CERS6: variants seen among roughly 807,000 people sequenced by gnomAD.
The protein encoded by CERS6 is ceramide synthase 6.
In CERS6, 26 loss-of-function variants were observed where a neutral mutation model predicts 56.8. The observed-to-expected ratio is 0.46, with a 90% CI of 0.34 to 0.63. The LOEUF is 0.63. Among genes scored for constraint, CERS6 ranks in the 30% least tolerant of loss-of-function variants. CERS6 has a pLI of 0.01. For synonymous variants in CERS6, 164 were observed against 173.3 expected, an observed-to-expected ratio of 0.95 and a Z score of 0.42; for missense variants, 415 against 467.5, an observed-to-expected ratio of 0.89 and a Z score of 1.04.
intron 4 of CERS6, among the ~76,000 whole-genome samples, chr2:168,662,054 C>T (rs1685643376): frequency 6.6e-6 from 1 of 150,904 alleles, no homozygotes; most frequent in African/African-American, 2.4e-5. Flanking sequence ...CAGACTATTA[C>T]AATACTGAGT....
At chr2:168,484,948 T>C (rs918930724) in intron 1 of CERS6, among the ~76,000 whole-genome samples, 1 of 152,046 alleles carries the variant, frequency 6.6e-6, no homozygotes, top group African/African-American at 2.4e-5. Flanking sequence ...TTTATGAAAA[T>C]AAACAAATGA....
chr2:168,493,388 C>T (rs568328914), intron 1 of CERS6, among the ~76,000 whole-genome samples: 29 of 152,222 alleles, frequency 1.9e-4, no homozygotes, highest in Non-Finnish European at 3.1e-4. Context: ...AACTCCTCAG[C>T]TACCAAGGTA....
At chr2:168,520,856 G>A (rs1195684775) in intron 1 of CERS6, among the ~76,000 whole-genome samples, 1 of 151,682 alleles carries the variant, frequency 6.6e-6, no homozygotes, top group Admixed American at 6.6e-5. Flanking sequence ...GTGATCTGCC[G>A]CCTCAGCCTC....
chr2:168,717,789 T>G (rs906819246), intron 7 of CERS6, 83 bp from the exon 8 acceptor site: 1 of 948,492 alleles, frequency 1.1e-6, no homozygotes, highest in Non-Finnish European at 1.6e-6. Flanking sequence ...AAGGTATATC[T>G]TATAGGAGAT....
At chr2:168,733,254 G>A (rs955173697) in intron 8 of CERS6, among the ~76,000 whole-genome samples, 5 of 152,138 alleles carry the variant, frequency 3.3e-5, no homozygotes, top group Admixed American at 2.0e-4. Context: ...CACTTTTTGT[G>A]CTTGTAGAGT....
chr2:168,757,374 AC>A (rs369150657), intron 8 of CERS6, among the ~76,000 whole-genome samples: 3,764 of 151,622 alleles, frequency 0.025, 167 homozygotes, highest in African/African-American at 0.086. Flanking sequence ...AAAAAAAAAA[AC>A]ATCTGCCCCA....
chr2:168,728,211 T>G (rs1574197210), intron 8 of CERS6, among the ~76,000 whole-genome samples: 1 of 152,170 alleles, frequency 6.6e-6, no homozygotes, highest in Non-Finnish European at 1.5e-5. Flanking sequence ...CCTAAAGTAT[T>G]TGCTCTCTGG....
intron 4 of CERS6, among the ~76,000 whole-genome samples, chr2:168,642,361 A>AC: frequency 6.6e-6 from 1 of 152,260 alleles, no homozygotes; most frequent in East Asian, 1.9e-4. Context: ...AAAAAGATCT[A>AC]CCCTCAGAAT....
intron 1 of CERS6, among the ~76,000 whole-genome samples, chr2:168,507,730 A>G (rs1158035978): frequency 2.6e-5 from 4 of 152,170 alleles, no homozygotes; most frequent in African/African-American, 4.8e-5. Flanking sequence ...ACCTGAATCA[A>G]CTACCCTAAG....
chr2:168,672,846 T>G (rs762371714), intron 4 of CERS6, among the ~76,000 whole-genome samples: 1 of 152,194 alleles, frequency 6.6e-6, no homozygotes, highest in Non-Finnish European at 1.5e-5. Flanking sequence ...TTTTGGAAGA[T>G]GAGAAGCTGG....
intron 1 of CERS6, among the ~76,000 whole-genome samples, chr2:168,499,739 C>T (rs1467710159): frequency 3.3e-5 from 5 of 152,238 alleles, no homozygotes; most frequent in Non-Finnish European, 5.9e-5. Flanking sequence ...TGCTGCAATA[C>T]GTTTTGTGGT....
intron 1 of CERS6, among the ~76,000 whole-genome samples, chr2:168,488,717 A>AT (rs1015786928): frequency 4.4e-4 from 66 of 151,474 alleles, no homozygotes; most frequent in African/African-American, 1.4e-3. Flanking sequence ...CTTTAAAAAA[A>AT]TTTTTTTTTG....
At chr2:168,514,316 C>T (rs893079674) in intron 1 of CERS6, among the ~76,000 whole-genome samples, 1 of 152,184 alleles carries the variant, frequency 6.6e-6, no homozygotes, top group Non-Finnish European at 1.5e-5. Context: ...TAGTGTGTCT[C>T]TGTTCCTTCT....
chr2:168,713,270 G>A (rs1382615796), intron 6 of CERS6, among the ~76,000 whole-genome samples: 4 of 152,044 alleles, frequency 2.6e-5, no homozygotes, highest in African/African-American at 4.8e-5. Flanking sequence ...GTGCTCATAC[G>A]TCAGTTTTCG....
At chr2:168,753,706 C>T (rs1574221926) in intron 8 of CERS6, among the ~76,000 whole-genome samples, 1 of 152,248 alleles carries the variant, frequency 6.6e-6, no homozygotes, top group East Asian at 1.9e-4. Context: ...CCAAAATTTT[C>T]AGGGATATTT....
At chr2:168,579,460 C>T (rs1027195660) in intron 3 of CERS6, among the ~76,000 whole-genome samples, 12 of 152,164 alleles carry the variant, frequency 7.9e-5, no homozygotes, top group Non-Finnish European at 1.6e-4. Context: ...GTCACCAATA[C>T]TTCTTTTCCA....
At chr2:168,603,642 G>GT (rs1165572117) in intron 3 of CERS6, among the ~76,000 whole-genome samples, 2 of 152,200 alleles carry the variant, frequency 1.3e-5, no homozygotes, top group Non-Finnish European at 2.9e-5. Context: ...GCGGCTACAG[G>GT]TGTAGCTCAG....
chr2:168,528,202 A>AT (rs1695103712), intron 1 of CERS6, among the ~76,000 whole-genome samples: 1 of 152,252 alleles, frequency 6.6e-6, no homozygotes, highest in Non-Finnish European at 1.5e-5. Context: ...ATAGTATTAC[A>AT]GAAGGTAGTT....
At chr2:168,713,956 G>C (rs185373857) in intron 6 of CERS6, among the ~76,000 whole-genome samples, 1 of 152,208 alleles carries the variant, frequency 6.6e-6, no homozygotes, top group East Asian at 1.9e-4. Flanking sequence ...CATTTGGGCT[G>C]CTGTGGCAAA....
Sources: gnomAD v4.1 joint callset for allele counts (sites outside exome capture counted in the v4.1 genomes callset) on GRCh38, gnomAD v4.1.1 for gene constraint, MANE v1.5 for transcripts, NCBI Gene and HGNC (gene_info 2026-07-23, HGNC 2026-07-21) for gene names.